The following RAB5IF variants were observed in gnomAD, a reference collection of about 807,000 sequenced individuals.
The protein encoded by RAB5IF is RAB5 interacting factor.
In RAB5IF, 15 loss-of-function variants were observed where a neutral mutation model predicts 20.3. The ratio of observed to expected loss-of-function variants is 0.74; its 90% CI spans 0.50 to 1.14. RAB5IF has a LOEUF of 1.14. Among genes scored for constraint, RAB5IF ranks in the 50% most tolerant of loss-of-function variants. RAB5IF has a pLI of 0.00. For synonymous variants in RAB5IF, 67 were observed against 63.7 expected, an observed-to-expected ratio of 1.05 and a Z score of -0.25; for missense variants, 148 against 159.5, an observed-to-expected ratio of 0.93 and a Z score of 0.39.
chr20:36,607,995 T>C lies in RAB5IF; in HGVS notation c.218+177T>C, dbSNP rs1600801098. On this transcript the variant is annotated intron_variant, in intron 2 of 3. Coordinates refer to ENST00000344795, the MANE Select transcript of RAB5IF (RefSeq NM_018840.5). The stretch of plus-strand genomic sequence containing the variant: ...TCTGGTGCACCACTCCTCAGGAGCA[T>C]CTCAGGTCAGGCAGGTTACCTTCCT... The C allele has an allele frequency of 2.7e-6, 4 of 1,480,232 alleles. No individual in the cohort carries two copies. In the East Asian group the frequency reaches 1.1e-4, roughly 42 times the overall value. The allele number at this position is 1,480,232 out of a possible 1,614,324, so 91.7% of individuals were successfully genotyped here.
At chr20:36,609,187 ACACACACGCACACACGCACACACG>A (rs869091103) in intron 2 of RAB5IF, among the ~76,000 whole-genome samples, 1 of 52,728 alleles carries the variant, frequency 1.9e-5, no homozygotes. Context: ...ACACACACAC[ACACACACGCACACACGCACACACG>A]CACACACGCA....
intron 2 of RAB5IF, chr20:36,608,163 T>C (rs1337653788): frequency 3.1e-5 from 11 of 351,628 alleles, no homozygotes; most frequent in Non-Finnish European, 6.1e-5. Context: ...TAGGAACTTC[T>C]GTATTTGACG....
rs2039144722 is a variant in RAB5IF at position 36,612,316 on chromosome 20, T to C, written c.*265T>C. 8.3e-7 allele frequency: 1 copy of C among 1,210,394 alleles called. No individual in the cohort carries two copies. Among genetic ancestry groups the C allele is most frequent in the East Asian group, 2.3e-5 (1 of 42,736 alleles). The allele number at this position is 1,210,394 out of a possible 1,614,324, so 75.0% of individuals were successfully genotyped here. On this transcript the variant is annotated 3_prime_UTR_variant, in exon 4 of 4. Transcript: ENST00000344795. ...TTGGATACCATCAAGTAACAGCTAT[T>C]ATTTGCCAAGTGGAGCTGTCATTTA... is the stretch of plus-strand genomic sequence containing the variant.
rs1265470995 is a variant in RAB5IF, at chr20:36,606,058, A to T, written c.107A>T (p.Glu36Val). The change falls in exon 1 of 4, where the codon GAG becomes GTG. Residue 36 changes from glutamate (E) to valine (V), a missense_variant. Physicochemically the swap from Glu to Val is moderately radical, Grantham distance 121 (BLOSUM62 -2). Coordinates refer to ENST00000344795, the MANE Select transcript of RAB5IF (RefSeq NM_018840.5). The stretch of plus-strand genomic sequence containing the variant: ...GTGCTGCGGAGCGACGCGGCCTGGG[A>T]GGATAAGGTACGGTGGAGTCTGAAC... ...SKVLRSDAAWEDKDEFLDVIY... is the reference protein window; with the variant it reads ...SKVLRSDAAWVDKDEFLDVIY... 2.7e-6 allele frequency: 4 copies of T among 1,506,654 alleles called. No homozygotes were observed. Among genetic ancestry groups the T allele is most frequent in the Middle Eastern group, 1.8e-4 (1 of 5,556 alleles). The allele number at this position is 1,506,654 out of a possible 1,614,324, so 93.3% of individuals were successfully genotyped here.
rs958216125 is a variant in RAB5IF, at chr20:36,606,381, C to A, written c.114+316C>A. 2.6e-5 allele frequency among the ~76,000 whole-genome samples: 4 copies of A among 152,326 alleles called. No homozygotes were observed. In the Middle Eastern group the frequency reaches 0.014, roughly 518 times the overall value. ...GAGCTGAATTCGATTCGGCCTCCGC[C>A]TTTTATGTGCAGTAGGGTTTTGAGT... On this transcript the variant is annotated intron_variant, in intron 1 of 3. Coordinates refer to ENST00000344795, the MANE Select transcript of RAB5IF (RefSeq NM_018840.5).
At chr20:36,609,239 A>ACACACACACC (rs2039040213) in intron 2 of RAB5IF, among the ~76,000 whole-genome samples, 1 of 130,698 alleles carries the variant, frequency 7.7e-6, no homozygotes, top group African/African-American at 3.4e-5. Flanking sequence ...ACACACACAC[A>ACACACACACC]CACACACACA....
At chr20:36,609,230 C>CTAT (rs1568595664) in intron 2 of RAB5IF, among the ~76,000 whole-genome samples, 1 of 126,936 alleles carries the variant, frequency 7.9e-6, no homozygotes, top group African/African-American at 3.4e-5. Flanking sequence ...CACACACACA[C>CTAT]ACACACACAC....
chr20:36,609,196 C>G lies in RAB5IF; in HGVS notation c.219-405C>G, dbSNP rs1209990953. Among the ~76,000 whole-genome samples the G allele has an allele frequency of 4.3e-5, 2 of 46,632 alleles. 1 individual carries two copies. Among genetic ancestry groups the G allele is most frequent in the Non-Finnish European group, 8.1e-5 (2 of 24,772 alleles). 30.6% of individuals were successfully genotyped at this position (46,632 alleles called of 152,430 possible). A position where few individuals can be genotyped will look rare whatever the true frequency, so the allele number is the denominator to read the frequency against. On this transcript the variant is annotated intron_variant, in intron 2 of 3. Coordinates refer to ENST00000344795, the MANE Select transcript of RAB5IF (RefSeq NM_018840.5). Reference sequence around the variant, plus strand: ...ACACACACACACACACACACACACGCACACACGCACACACGCACACACGCA... The same window carrying G: ...ACACACACACACACACACACACACGGACACACGCACACACGCACACACGCA...
At chr20:36,609,961 A>G (rs1431842798) in intron 3 of RAB5IF, among the ~76,000 whole-genome samples, 1 of 152,154 alleles carries the variant, frequency 6.6e-6, no homozygotes, top group Non-Finnish European at 1.5e-5. Context: ...CAGCTTCTAC[A>G]TCTGATTCTC....
intron 3 of RAB5IF, among the ~76,000 whole-genome samples, chr20:36,611,217 C>T (rs2039105127): frequency 6.6e-6 from 1 of 152,070 alleles, no homozygotes; most frequent in South Asian, 2.1e-4. Context: ...CTTGGAACTC[C>T]TGACCTCAGG....
rs146704458 is a variant in RAB5IF, at chr20:36,607,371, G to A, written c.115-344G>A. On this transcript the variant is annotated intron_variant, in intron 1 of 3. Transcript: ENST00000344795. The stretch of plus-strand genomic sequence containing the variant: ...AGCCTCCCAAGTAGCTGGGATTAAA[G>A]GCGCCCGCCACAACACCCGGCTAAT... 1.5e-3 allele frequency among the ~76,000 whole-genome samples: 233 copies of A among 150,582 alleles called. 7 individuals are homozygous for A. The East Asian group carries it at 0.043, about 28-fold the overall frequency.
At chr20:36,606,204 G>C in intron 1 of RAB5IF, 139 bp downstream of exon 1, 2 of 488,250 alleles carry the variant, frequency 4.1e-6, no homozygotes, top group Non-Finnish European at 7.0e-6. Flanking sequence ...AAGGGTGTCA[G>C]AGCAAACTTG....
At chr20:36,611,427 C>A (rs938236177) in intron 3 of RAB5IF, among the ~76,000 whole-genome samples, 1 of 142,836 alleles carries the variant, frequency 7.0e-6, no homozygotes, top group African/African-American at 2.7e-5. Flanking sequence ...TGAAACCCAT[C>A]TCTACAGGGG....
Position 36,612,090 on chromosome 20 carries a change from G to A in RAB5IF, c.*39G>A. 1 of 1,614,158 alleles carries A rather than the reference G, an allele frequency of 6.2e-7. No individual in the cohort carries two copies. The highest frequency in any genetic ancestry group is 8.5e-7 in the Non-Finnish European group (1 of 1,180,040). Reference sequence around the variant, plus strand: ...CCAAGTGCTCCCTATCCAGTCCAAAGGACCCTCTTGATTACAGCACAGGAA... The same window carrying A: ...CCAAGTGCTCCCTATCCAGTCCAAAAGACCCTCTTGATTACAGCACAGGAA... On this transcript the variant is annotated 3_prime_UTR_variant, in exon 4 of 4. Transcript: ENST00000344795.
At chr20:36,611,236 C>G (rs2039105868) in intron 3 of RAB5IF, among the ~76,000 whole-genome samples, 1 of 152,120 alleles carries the variant, frequency 6.6e-6, no homozygotes, top group African/African-American at 2.4e-5. Flanking sequence ...GGTGATCTGC[C>G]TGCTTCCGCC....
Position 36,606,031 on chromosome 20 carries a change from A to G in RAB5IF, c.80A>G (p.Lys27Arg). Residue 27 changes from lysine (K) to arginine (R), a missense_variant, in exon 1 of 4, where the codon AAG becomes AGG. Coordinates refer to ENST00000344795, the MANE Select transcript of RAB5IF (RefSeq NM_018840.5). ...GCCCTCAAAGTCTCCGTCTGGAGTA[A>G]GGTGCTGCGGAGCGACGCGGCCTGG... ...NGALKVSVWS[K>R]VLRSDAAWED... The G allele has an allele frequency of 6.6e-6, 10 of 1,526,030 alleles. No homozygotes were observed. Among genetic ancestry groups the G allele is most frequent in the Non-Finnish European group, 8.8e-6 (10 of 1,132,850 alleles). 94.5% of individuals were successfully genotyped at this position (1,526,030 alleles called of 1,614,324 possible).
At chr20:36,607,896 C>G (rs748098906) in intron 2 of RAB5IF, 78 bp downstream of exon 2, 17 of 1,586,716 alleles carry the variant, frequency 1.1e-5, no homozygotes, top group Non-Finnish European at 1.5e-5. Context: ...ACAGGAAAGG[C>G]CATTGCTGCT....
chr20:36,605,866 C>G lies in RAB5IF; in HGVS notation c.-86C>G. On this transcript the variant is annotated 5_prime_UTR_variant, in exon 1 of 4. Transcript: ENST00000344795. ...CGGGCCGCTGAGCCTGCAGCCGCCC[C>G]GCGCCGTGACCTGCGACCCTAGACC... 1.4e-6 allele frequency: 1 copy of G among 715,522 alleles called. No individual in the cohort carries two copies. Among genetic ancestry groups the G allele is most frequent in the Non-Finnish European group, 2.0e-6 (1 of 489,316 alleles). The allele number at this position is 715,522 out of a possible 1,614,324, so 44.3% of individuals were successfully genotyped here. A position where few individuals can be genotyped will look rare whatever the true frequency, so the allele number is the denominator to read the frequency against.
chr20:36,609,195 GCACA>G (rs1179707974), intron 2 of RAB5IF, among the ~76,000 whole-genome samples: 1 of 34,004 alleles, frequency 2.9e-5, no homozygotes, highest in Admixed American at 3.3e-4. Flanking sequence ...ACACACACAC[GCACA>G]CACGCACACA....
Sources: gnomAD v4.1 joint callset for allele counts (sites outside exome capture counted in the v4.1 genomes callset) on GRCh38, gnomAD v4.1.1 for gene constraint, MANE v1.5 for transcripts, NCBI Gene and HGNC (gene_info 2026-07-23, HGNC 2026-07-21) for gene names.